Variants in CTNNA2 observed in about 807,000 individuals in gnomAD.
CTNNA2 encodes catenin alpha-2.
In CTNNA2, 42 loss-of-function variants were observed where a neutral mutation model predicts 101.0. The ratio of observed to expected loss-of-function variants is 0.42; its 90% confidence interval spans 0.32 to 0.54. The LOEUF (loss-of-function observed/expected upper bound fraction) is 0.54, where lower values mean the gene tolerates loss of function less well. Ranked by LOEUF, CTNNA2 falls within the 20% of genes least tolerant of loss-of-function variation. CTNNA2 has a pLI of 0.14. For missense variants in CTNNA2, 871 were observed against 1,223.1 expected (o/e 0.71, Z 4.29); for synonymous variants, 450 against 456.4 (o/e 0.99, Z 0.18).
intron 5 of CTNNA2, among the ~76,000 whole-genome samples, chr2:79,507,688 A>G (rs780411536): frequency 6.6e-6 from 1 of 152,226 alleles, no homozygotes; most frequent in Non-Finnish European, 1.5e-5. Flanking sequence ...AAGCTCATTA[A>G]TAAGCTGTGA....
chr2:79,747,200 G>T (rs1315439097), intron 3 of CTNNA2, among the ~76,000 whole-genome samples: 1 of 151,738 alleles, frequency 6.6e-6, no homozygotes, highest in Non-Finnish European at 1.5e-5. Context: ...TTTATCTATT[G>T]TGAAGAGTAT....
At chr2:80,526,356 C>T (rs1038051986) in intron 9 of CTNNA2, among the ~76,000 whole-genome samples, 11 of 152,324 alleles carry the variant, frequency 7.2e-5, no homozygotes, top group African/African-American at 2.6e-4. Flanking sequence ...TGCATCACCA[C>T]ATCTGGCTAA....
intron 7 of CTNNA2, among the ~76,000 whole-genome samples, chr2:80,285,489 C>T (rs1367476349): frequency 6.6e-6 from 1 of 152,136 alleles, no homozygotes; most frequent in Admixed American, 6.6e-5. Flanking sequence ...ACATTCTTAC[C>T]TCAGAGTGAT....
Position 80,393,261 on chromosome 2 carries a change from G to A in CTNNA2, c.1107G>A (p.Met369Ile). 1 of 1,611,170 alleles carries A rather than the reference G, an allele frequency of 6.2e-7. No individual in the cohort carries two copies. Among genetic ancestry groups the A allele is most frequent in the Non-Finnish European group, 8.5e-7 (1 of 1,178,592 alleles). ...GDPLNIAIDK[M>I]TKKTRDLRRQ... is the part of the protein sequence containing the mutation. Reference sequence around the variant, plus strand: ...CTCTCAACATTGCGATTGATAAGATGACTAAGAAAACAAGAGATCTAAGGA... The same window carrying A: ...CTCTCAACATTGCGATTGATAAGATAACTAAGAAAACAAGAGATCTAAGGA... Residue 369 changes from methionine (M) to isoleucine (I), a missense_variant, in exon 8 of 19, where the codon ATG becomes ATA. Met to Ile is a conservative substitution (Grantham distance 10). Around this residue, in one of 5 missense-constraint regions of CTNNA2, gnomAD observed 647 missense variants for 831.5 expected, o/e 0.78. Coordinates refer to ENST00000402739, the MANE Select transcript of CTNNA2 (RefSeq NM_001282597.3).
Position 80,164,950 on chromosome 2 carries a change from T to TTTGTTTTG in CTNNA2, c.1057-228259_1057-228258insGTTTTGTT, listed in dbSNP as rs1553461431. Among the ~76,000 whole-genome samples, 1,455 of 148,830 alleles carry TTTGTTTTG rather than the reference T, an allele frequency of 9.8e-3. 34 individuals carry two copies. The highest frequency in any genetic ancestry group is 0.034 in the African/African-American group (1,351 of 39,716). ...TTTCCCAACTTTTGGTTTTTTTTTT[T>TTTGTTTTG]TTTTTTTCTAGATAAGACTTGTATT... On this transcript the variant is annotated intron_variant, in intron 7 of 18. Transcript: ENST00000402739.
At chr2:79,290,120 C>T (rs1675756277) in intron 2 of CTNNA2, among the ~76,000 whole-genome samples, 1 of 152,158 alleles carries the variant, frequency 6.6e-6, no homozygotes, top group African/African-American at 2.4e-5. Flanking sequence ...ACACCGTAGG[C>T]TCTTAATTTG....
intron 7 of CTNNA2, among the ~76,000 whole-genome samples, chr2:80,054,608 C>A (rs1396316859): frequency 6.6e-6 from 1 of 152,088 alleles, no homozygotes. Context: ...ACCTCTCCAC[C>A]CCTTAGGCAT....
rs1220767566 is a variant in CTNNA2 at position 80,373,888 on chromosome 2, G to GGAGCCTGTCACATCCTCC, written c.1057-19322_1057-19305dup. Among the ~76,000 whole-genome samples the GGAGCCTGTCACATCCTCC allele has an allele frequency of 2.0e-5, 3 of 152,108 alleles. 1 individual carries two copies. Among genetic ancestry groups the GGAGCCTGTCACATCCTCC allele is most frequent in the African/African-American group, 7.2e-5 (3 of 41,406 alleles). Reference sequence around the variant, plus strand: ...CCGAGAATTCACACAAGAGATTTCTGGAGCCTGTCACATCCTCCCTACCTG... The same window carrying GGAGCCTGTCACATCCTCC: ...CCGAGAATTCACACAAGAGATTTCTGGAGCCTGTCACATCCTCCGAGCCTGTCACATCCTCCCTACCTG... On this transcript the variant is annotated intron_variant, in intron 7 of 18. Coordinates refer to ENST00000402739, the MANE Select transcript of CTNNA2 (RefSeq NM_001282597.3).
intron 4 of CTNNA2, among the ~76,000 whole-genome samples, chr2:79,491,992 A>G (rs1022622168): frequency 3.3e-5 from 5 of 152,204 alleles, no homozygotes; most frequent in Admixed American, 1.3e-4. Flanking sequence ...AAAATGCGTT[A>G]TCTAGCTCCA....
At chr2:79,359,792 T>C (rs1677588642) in intron 3 of CTNNA2, among the ~76,000 whole-genome samples, 1 of 152,114 alleles carries the variant, frequency 6.6e-6, no homozygotes, top group South Asian at 2.1e-4. Flanking sequence ...CTGAAGGTTT[T>C]TTTTTTCTGT....
intron 9 of CTNNA2, among the ~76,000 whole-genome samples, chr2:80,446,330 A>T (rs1158102500): frequency 1.3e-5 from 2 of 152,202 alleles, no homozygotes; most frequent in Admixed American, 6.5e-5. Context: ...GATGAGTATG[A>T]TGCAACCAAC....
intron 1 of CTNNA2, among the ~76,000 whole-genome samples, chr2:79,648,384 G>A (rs1680977269): frequency 6.6e-6 from 1 of 152,140 alleles, no homozygotes; most frequent in African/African-American, 2.4e-5. Context: ...AGAAGACTAT[G>A]GTTATGATTA....
At chr2:80,579,832 A>G (rs1695373883) in intron 13 of CTNNA2, among the ~76,000 whole-genome samples, 1 of 152,184 alleles carries the variant, frequency 6.6e-6, no homozygotes, top group African/African-American at 2.4e-5. Flanking sequence ...GATTAATTAC[A>G]CTGTGGTAGC....
At chr2:79,756,476 A>C (rs1672408234) in intron 3 of CTNNA2, among the ~76,000 whole-genome samples, 1 of 152,220 alleles carries the variant, frequency 6.6e-6, no homozygotes, top group Non-Finnish European at 1.5e-5. Context: ...GAGACAAATA[A>C]GTAAAATATT....
chr2:80,347,754 T>A (rs1672879857), intron 7 of CTNNA2, among the ~76,000 whole-genome samples: 1 of 152,128 alleles, frequency 6.6e-6, no homozygotes, highest in South Asian at 2.1e-4. Context: ...TGGAAGGCAG[T>A]TTCTGGTGTC....
intron 2 of CTNNA2, among the ~76,000 whole-genome samples, chr2:79,653,242 G>A (rs1251184559): frequency 6.6e-6 from 1 of 152,142 alleles, no homozygotes; most frequent in African/African-American, 2.4e-5. Flanking sequence ...TTCATGAAGG[G>A]TTGCACATAT....
intron 2 of CTNNA2, among the ~76,000 whole-genome samples, chr2:79,725,151 C>T (rs1222311143): frequency 6.6e-6 from 1 of 152,044 alleles, no homozygotes; most frequent in Non-Finnish European, 1.5e-5. Context: ...TTAAGCTTAC[C>T]AAAATACTCA....
At chr2:80,465,881 G>A (rs1684812392) in intron 9 of CTNNA2, among the ~76,000 whole-genome samples, 1 of 151,812 alleles carries the variant, frequency 6.6e-6, no homozygotes, top group Admixed American at 6.6e-5. Context: ...ATGGTGTGAT[G>A]GTTTTTATTT....
chr2:79,744,392 T>C lies in CTNNA2; in HGVS notation c.108T>C (p.Thr36=). The change falls in exon 3 of 19, where the codon ACT becomes ACC. Residue 36 remains threonine, a synonymous_variant. Transcript: ENST00000402739. ...RLLEPLVTQV[T]TLVNTSNKGP... is the part of the protein sequence containing the mutation. Reference sequence around the variant, plus strand: ...GTTTCTCTTTTATATTTAAGGTGACTACACTTGTCAACACAAGCAACAAAG... The same window carrying C: ...GTTTCTCTTTTATATTTAAGGTGACCACACTTGTCAACACAAGCAACAAAG... 1.2e-6 allele frequency: 2 copies of C among 1,609,828 alleles called. No homozygotes were observed. Among genetic ancestry groups the C allele is most frequent in the Non-Finnish European group, 1.7e-6 (2 of 1,178,818 alleles).
Sources: allele counts gnomAD v4.1 joint callset (sites outside exome capture counted in the v4.1 genomes callset), GRCh38; gene constraint gnomAD v4.1.1; regional missense constraint gnomAD v4.1.1; transcripts MANE v1.5; gene names NCBI Gene and HGNC (gene_info 2026-07-23, HGNC 2026-07-21).